TMEM132C: variants seen among roughly 807,000 people sequenced by gnomAD.
TMEM132C encodes transmembrane protein 132C, also known as protein phosphatase 1, regulatory subunit 152.
Under a neutral mutation model 61.4 loss-of-function variants are expected in TMEM132C, and 29 were observed. That is an observed-to-expected ratio of 0.47 (90% confidence interval 0.35 to 0.64). TMEM132C has a LOEUF of 0.64. Among genes scored for constraint, TMEM132C ranks in the 30% least tolerant of loss-of-function variants. TMEM132C has a pLI of 0.00. For synonymous variants in TMEM132C, 656 were observed against 633.1 expected (o/e 1.04, Z -0.54); for missense variants, 1,408 against 1,476.9 (o/e 0.95, Z 0.76).
intron 4 of TMEM132C, among the ~76,000 whole-genome samples, chr12:128,662,608 T>C (rs1442856147): frequency 6.6e-6 from 1 of 152,180 alleles, no homozygotes; most frequent in Non-Finnish European, 1.5e-5. Context: ...GACAAGTCAG[T>C]CACTCAGCTC....
chr12:128,517,851 A>T (rs1872767786), intron 2 of TMEM132C, among the ~76,000 whole-genome samples: 1 of 152,176 alleles, frequency 6.6e-6, no homozygotes, highest in Non-Finnish European at 1.5e-5. Context: ...CATGGGATTG[A>T]GCTCTTTCTG....
intron 2 of TMEM132C, among the ~76,000 whole-genome samples, chr12:128,482,263 A>G (rs1439148458): frequency 2.6e-5 from 4 of 152,214 alleles, no homozygotes; most frequent in Non-Finnish European, 5.9e-5. Context: ...CGTGGTGGAT[A>G]AGCTTTTCGA....
chr12:128,527,286 C>T (rs1015823234), intron 2 of TMEM132C, among the ~76,000 whole-genome samples: 10 of 152,160 alleles, frequency 6.6e-5, no homozygotes, highest in Admixed American at 5.2e-4. Context: ...TGATGCCACC[C>T]CCAGCCAGGA....
intron 4 of TMEM132C, among the ~76,000 whole-genome samples, chr12:128,622,308 CA>C (rs1953969688): frequency 7.6e-6 from 1 of 131,868 alleles, no homozygotes; most frequent in Admixed American, 9.1e-5. Flanking sequence ...GGTACCACTG[CA>C]CTCTAGCCTG....
chr12:128,676,769 G>A (rs1954592161), intron 5 of TMEM132C, among the ~76,000 whole-genome samples: 1 of 152,204 alleles, frequency 6.6e-6, no homozygotes, highest in Non-Finnish European at 1.5e-5. Flanking sequence ...ATATCCTTAT[G>A]CATTTCTGCC....
intron 5 of TMEM132C, among the ~76,000 whole-genome samples, chr12:128,685,562 C>A (rs1322921691): frequency 1.3e-5 from 2 of 151,988 alleles, no homozygotes; most frequent in African/African-American, 2.4e-5. Flanking sequence ...AGCAGAAGTA[C>A]ACATTTCCTA....
chr12:128,509,105 G>T lies in TMEM132C; in HGVS notation c.975-34852G>T, dbSNP rs186626004. ...AGGAGAGGACAGTGGGCTGGCCTAG[G>T]CTGTGTGCAAGTCCTCGAAGCAAAC... On this transcript the variant is annotated intron_variant, in intron 2 of 8. Transcript: ENST00000435159. Among the ~76,000 whole-genome samples the T allele has an allele frequency of 4.7e-4, 71 of 152,300 alleles. 1 individual carries two copies. The highest frequency in any genetic ancestry group is 1.6e-3 in the African/African-American group (67 of 41,572).
At chr12:128,522,538 A>AC (rs1351508761) in intron 2 of TMEM132C, among the ~76,000 whole-genome samples, 4 of 152,204 alleles carry the variant, frequency 2.6e-5, no homozygotes, top group Non-Finnish European at 5.9e-5. Flanking sequence ...TCCCTAGCCA[A>AC]CCTTCATCAT....
chr12:128,475,751 A>AT (rs1178650770), intron 2 of TMEM132C, among the ~76,000 whole-genome samples: 1 of 152,218 alleles, frequency 6.6e-6, no homozygotes, highest in Non-Finnish European at 1.5e-5. Context: ...CAGAGTGAAC[A>AT]TAGCGGCAAC....
At chr12:128,440,278 A>G (rs1444715326) in intron 2 of TMEM132C, among the ~76,000 whole-genome samples, 1 of 152,222 alleles carries the variant, frequency 6.6e-6, no homozygotes, top group African/African-American at 2.4e-5. Flanking sequence ...ACATAAGATG[A>G]ATTAGGTGCT....
chr12:128,462,918 G>A (rs1870591063), intron 2 of TMEM132C, among the ~76,000 whole-genome samples: 1 of 152,108 alleles, frequency 6.6e-6, no homozygotes, highest in Non-Finnish European at 1.5e-5. Context: ...TTTTCTCATA[G>A]ATCAATACAC....
intron 3 of TMEM132C, 27 bp from the exon 4 acceptor site, chr12:128,616,125 A>T (rs938605958): frequency 1.3e-6 from 2 of 1,546,514 alleles, no homozygotes; most frequent in African/African-American, 1.4e-5. Flanking sequence ...AAGTTGGCTT[A>T]AAGCCAGTTT....
At chr12:128,590,075 G>A (rs1044421828) in intron 3 of TMEM132C, among the ~76,000 whole-genome samples, 2 of 152,230 alleles carry the variant, frequency 1.3e-5, no homozygotes, top group Non-Finnish European at 2.9e-5. Context: ...GGGATATGGA[G>A]GCTTTGGGAG....
At chr12:128,424,527 C>G (rs1869113413) in intron 2 of TMEM132C, among the ~76,000 whole-genome samples, 1 of 150,752 alleles carries the variant, frequency 6.6e-6, no homozygotes, top group African/African-American at 2.4e-5. Context: ...CTAAAATAGG[C>G]AAATCCATAG....
chr12:128,681,093 C>T (rs1954630584), intron 5 of TMEM132C, among the ~76,000 whole-genome samples: 3 of 152,164 alleles, frequency 2.0e-5, no homozygotes, highest in African/African-American at 4.8e-5. Context: ...CCACTTTGAC[C>T]CCTCTGCCTC....
intron 2 of TMEM132C, among the ~76,000 whole-genome samples, chr12:128,489,476 A>C (rs1337480052): frequency 6.6e-6 from 1 of 151,588 alleles, no homozygotes; most frequent in East Asian, 1.9e-4. Context: ...GGTTGAACTG[A>C]GAGAGCGTGA....
chr12:128,509,005 T>A (rs1338863267), intron 2 of TMEM132C, among the ~76,000 whole-genome samples: 1 of 152,182 alleles, frequency 6.6e-6, no homozygotes, highest in Non-Finnish European at 1.5e-5. Context: ...GGCCCCAGTG[T>A]CCTGCCTGGC....
chr12:128,688,201 C>T lies in TMEM132C; in HGVS notation c.1450-5628C>T, dbSNP rs1230823983. Among the ~76,000 whole-genome samples, 2 of 152,130 alleles carry T rather than the reference C, an allele frequency of 1.3e-5. 1 individual carries two copies. Among genetic ancestry groups the T allele is most frequent in the East Asian group, 3.8e-4 (2 of 5,196 alleles). On this transcript the variant is annotated intron_variant, in intron 5 of 8. Transcript: ENST00000435159. ...CCTGCCCACAGGAATGCCAATGACTCGAACAGCCACATGGCAGGAAGGACG... is the reference window on the plus strand; with the variant it reads ...CCTGCCCACAGGAATGCCAATGACTTGAACAGCCACATGGCAGGAAGGACG...
At chr12:128,682,485 G>A (rs1372472818) in intron 5 of TMEM132C, among the ~76,000 whole-genome samples, 3 of 152,316 alleles carry the variant, frequency 2.0e-5, no homozygotes, top group East Asian at 1.9e-4. Flanking sequence ...CTCTCTGGGC[G>A]TCTCCCAGCA....
Sources: allele counts gnomAD v4.1 joint callset (sites outside exome capture counted in the v4.1 genomes callset), GRCh38; gene constraint gnomAD v4.1.1; transcripts MANE v1.5; gene names NCBI Gene and HGNC (gene_info 2026-07-23, HGNC 2026-07-21).